The following STAT4 variants were observed in gnomAD, a reference collection of about 807,000 sequenced individuals.
STAT4 encodes the protein signal transducer and activator of transcription 4.
A neutral mutation model predicts 110.5 loss-of-function variants in STAT4; 42 were observed. The observed-to-expected ratio is 0.38, with a 90% confidence interval of 0.30 to 0.49. The LOEUF is 0.49. STAT4 is among the 20% of genes least tolerant of loss of function. The pLI, the probability that STAT4 is intolerant of heterozygous loss-of-function variation, is 0.95. For missense variants in STAT4, 632 were observed against 887.9 expected, an observed-to-expected ratio of 0.71 and a Z score of 3.66; for synonymous variants, 284 against 302.2, an observed-to-expected ratio of 0.94 and a Z score of 0.63.
rs1696795590 is a variant in STAT4 at position 191,059,627 on chromosome 2, C to G, written c.1035-858G>C. 6.6e-6 allele frequency among the ~76,000 whole-genome samples: 1 copy of G among 152,136 alleles called. No homozygotes were observed. Among genetic ancestry groups the G allele is most frequent in the Non-Finnish European group, 1.5e-5 (1 of 68,034 alleles). On this transcript the variant is annotated intron_variant, in intron 10 of 23. Coordinates refer to ENST00000392320, the MANE Select transcript of STAT4 (RefSeq NM_003151.4). The surrounding 1 kb of genome is among the most constrained non-coding windows in gnomAD (Gnocchi z 4.7). ...AGAAGGGAGAAACGTGGACGTGGCT[C>G]TACATAAAAGGAGGGAGTCCAGGCA...
chr2:191,030,764 T>G lies in STAT4; in HGVS notation c.2220+208A>C. 2.0e-6 allele frequency: 1 copy of G among 498,234 alleles called. No homozygotes were observed. The highest frequency in any genetic ancestry group is 3.6e-6 in the Non-Finnish European group (1 of 275,460). 30.9% of individuals were successfully genotyped at this position (498,234 alleles called of 1,614,324 possible). ...CTGGTGGAAACAACGTAAAGCAGTT[T>G]AAGTAACTGAAGGTGTCTGCTTTCA... is the stretch of plus-strand genomic sequence containing the variant. On this transcript the variant is annotated intron_variant, in intron 23 of 23. Coordinates refer to ENST00000392320, the MANE Select transcript of STAT4 (RefSeq NM_003151.4). This position sits in a 1 kb window ranked among gnomAD's most constrained non-coding sequence, Gnocchi z 4.4.
intron 4 of STAT4, among the ~76,000 whole-genome samples, chr2:191,075,833 CTTTCT>C (rs1180269543): frequency 0.014 from 1,843 of 130,006 alleles, 39 homozygotes; most frequent in African/African-American, 0.058. Context: ...TCCTTTCTTT[CTTTCT>C]TTTTTTTTTT....
Position 191,040,966 on chromosome 2 carries a change from A to G in STAT4, c.1335+99T>C, listed in dbSNP as rs1047675891. 4 of 669,024 alleles carry G rather than the reference A, an allele frequency of 6.0e-6. No individual in the cohort carries two copies. The African/African-American group carries it at 7.4e-5, about 12-fold the overall frequency. 41.4% of individuals were successfully genotyped at this position (669,024 alleles called of 1,614,324 possible). A position where few individuals can be genotyped will look rare whatever the true frequency, so the allele number is the denominator to read the frequency against. Reference sequence around the variant, plus strand: ...ATTAAAACAAAATAATGAATATGGAATGTACTAAAACCTAGAAAAGACTGA... The same window carrying G: ...ATTAAAACAAAATAATGAATATGGAGTGTACTAAAACCTAGAAAAGACTGA... On this transcript the variant is annotated intron_variant, in intron 15 of 23. Coordinates refer to ENST00000392320, the MANE Select transcript of STAT4 (RefSeq NM_003151.4).
rs931060345 is a variant in STAT4 at position 191,030,665 on chromosome 2, T to G, written c.2220+307A>C. 3 of 246,520 alleles carry G rather than the reference T, an allele frequency of 1.2e-5. No homozygotes were observed. The East Asian group carries it at 2.9e-4, about 24-fold the overall frequency. The allele number at this position is 246,520 out of a possible 1,614,324, so 15.3% of individuals were successfully genotyped here. A position where few individuals can be genotyped will look rare whatever the true frequency, so the allele number is the denominator to read the frequency against. On this transcript the variant is annotated intron_variant, in intron 23 of 23. Transcript: ENST00000392320. This position sits in a 1 kb window ranked among gnomAD's most constrained non-coding sequence, Gnocchi z 4.4. ...TGCTAAAGTAGAGAGTGGTGGGGAG[T>G]GAGGGGGCCCATGGTGCAAGCAGCG...
intron 14 of STAT4, among the ~76,000 whole-genome samples, chr2:191,045,957 G>T (rs1696338292): frequency 1.3e-5 from 2 of 152,144 alleles, no homozygotes; most frequent in South Asian, 4.1e-4. Context: ...TCTTTCTTTG[G>T]TTGCGCTTGA....
chr2:191,131,284 T>C (rs1699030057), intron 3 of STAT4, among the ~76,000 whole-genome samples: 1 of 151,790 alleles, frequency 6.6e-6, no homozygotes, highest in Admixed American at 6.6e-5. Context: ...AGTAACGTTG[T>C]TTGCAATAGC....
rs181047389 is a variant in STAT4 at position 191,073,654 on chromosome 2, C to T, written c.373-464G>A. ...GCATTGAGCTGAGATCGTGCCACTG[C>T]GCTCCAGCCTGGGCGACAGAGCGAG... On this transcript the variant is annotated intron_variant, in intron 4 of 23. Transcript: ENST00000392320. Among the ~76,000 whole-genome samples, 384 of 152,226 alleles carry T rather than the reference C, an allele frequency of 2.5e-3. 2 individuals are homozygous for T. Among genetic ancestry groups the T allele is most frequent in the African/African-American group, 8.7e-3 (360 of 41,546 alleles).
chr2:191,078,395 G>T (rs1433452089), intron 3 of STAT4, among the ~76,000 whole-genome samples: 1 of 151,914 alleles, frequency 6.6e-6, no homozygotes, highest in Non-Finnish European at 1.5e-5. Flanking sequence ...ACTTTGTATG[G>T]TTAAATTACT....
At chr2:191,040,541 C>T (rs1442549435) in intron 15 of STAT4, among the ~76,000 whole-genome samples, 1 of 151,848 alleles carries the variant, frequency 6.6e-6, no homozygotes, top group Non-Finnish European at 1.5e-5. Context: ...TACTCTTGAG[C>T]TTTTTATTTT....
rs1695965022 is a variant in STAT4, at chr2:191,033,799, A to G, written c.1715+112T>C. The stretch of plus-strand genomic sequence containing the variant: ...CCACAAAGAATAAGAAATTGCAACT[A>G]TTTTTTTCTGTGGTACTAAACATGC... On this transcript the variant is annotated intron_variant, in intron 19 of 23. Transcript: ENST00000392320. The surrounding 1 kb of genome is among the most constrained non-coding windows in gnomAD (Gnocchi z 6.9). The G allele has an allele frequency of 7.5e-7, 1 of 1,340,306 alleles. No individual in the cohort carries two copies. The highest frequency in any genetic ancestry group is 1.5e-5 in the African/African-American group (1 of 67,844). The allele number at this position is 1,340,306 out of a possible 1,614,324, so 83.0% of individuals were successfully genotyped here. A position where few individuals can be genotyped will look rare whatever the true frequency, so the allele number is the denominator to read the frequency against.
chr2:191,034,074 T>A, intron 18 of STAT4, 69 bp from the exon 19 acceptor site: 8 of 1,071,384 alleles, frequency 7.5e-6, no homozygotes, highest in Non-Finnish European at 1.1e-5. Flanking sequence ...ATAATTTAAG[T>A]TCAATTTTTC....
At chr2:191,044,758 A>G (rs1285612800) in intron 14 of STAT4, among the ~76,000 whole-genome samples, 2 of 152,210 alleles carry the variant, frequency 1.3e-5, no homozygotes, top group Non-Finnish European at 2.9e-5. Flanking sequence ...GTTGCCAAGA[A>G]AAAAGGAAGA....
Position 191,030,599 on chromosome 2 carries a change from T to C in STAT4, c.2220+373A>G, listed in dbSNP as rs1021425374. On this transcript the variant is annotated intron_variant, in intron 23 of 23. Coordinates refer to ENST00000392320, the MANE Select transcript of STAT4 (RefSeq NM_003151.4). The surrounding 1 kb of genome is among the most constrained non-coding windows in gnomAD (Gnocchi z 4.4). ...GATAGTAAGTAACTAGTAAACTAGA[T>C]AGTATACTAGGTTTATAAATATTGA... 6.6e-6 allele frequency among the ~76,000 whole-genome samples: 1 copy of C among 152,114 alleles called. No homozygotes were observed. Among genetic ancestry groups the C allele is most frequent in the Non-Finnish European group, 1.5e-5 (1 of 68,018 alleles).
intron 4 of STAT4, among the ~76,000 whole-genome samples, chr2:191,075,298 A>G (rs1370428389): frequency 6.6e-6 from 1 of 152,258 alleles, no homozygotes; most frequent in Non-Finnish European, 1.5e-5. Flanking sequence ...TGAAAAAAGT[A>G]TTCATTAAAG....
intron 3 of STAT4, among the ~76,000 whole-genome samples, chr2:191,122,787 T>C (rs1698774611): frequency 6.6e-6 from 1 of 152,198 alleles, no homozygotes; most frequent in Admixed American, 6.5e-5. Context: ...TTCACTCACA[T>C]GAAGTTCAAG....
rs984021321 is a variant in STAT4 at position 191,144,153 on chromosome 2, AAGG to A, written c.273+2457_273+2459del. Among the ~76,000 whole-genome samples the A allele has an allele frequency of 2.2e-4, 34 of 152,292 alleles. No homozygotes were observed. Among genetic ancestry groups the A allele is most frequent in the African/African-American group, 7.5e-4 (31 of 41,568 alleles). Reference sequence around the variant, plus strand: ...TGAGGGTGAGGGAGGGGGGTCAGAAAAGGAGATCAGCCTTTTACCCTCAAGGAC... The same window carrying A: ...TGAGGGTGAGGGAGGGGGGTCAGAAAAGATCAGCCTTTTACCCTCAAGGAC... On this transcript the variant is annotated intron_variant, in intron 3 of 23. Coordinates refer to ENST00000392320, the MANE Select transcript of STAT4 (RefSeq NM_003151.4). The surrounding 1 kb of genome is among the most constrained non-coding windows in gnomAD (Gnocchi z 4.7).
At chr2:191,119,933 G>C (rs978525234) in intron 3 of STAT4, among the ~76,000 whole-genome samples, 1 of 152,100 alleles carries the variant, frequency 6.6e-6, no homozygotes, top group Non-Finnish European at 1.5e-5. Flanking sequence ...AATGGCTCTG[G>C]GTCAATTAGA....
chr2:191,056,124 A>G (rs1396634253), intron 13 of STAT4, among the ~76,000 whole-genome samples: 2 of 152,246 alleles, frequency 1.3e-5, no homozygotes, highest in Admixed American at 1.3e-4. Context: ...TCTTTTAGAA[A>G]CATTTTATCT....
Position 191,061,565 on chromosome 2 carries a change from C to A in STAT4, c.1034+164G>T, listed in dbSNP as rs1478671065. 6.6e-6 allele frequency among the ~76,000 whole-genome samples: 1 copy of A among 152,228 alleles called. No homozygotes were observed. The highest frequency in any genetic ancestry group is 2.4e-5 in the African/African-American group (1 of 41,462). ...TGCTCTTGACAAGCAGGGCTCTCAT[C>A]TTCACATTTCTGTGGGTATTTCCCC... On this transcript the variant is annotated intron_variant, in intron 10 of 23. Coordinates refer to ENST00000392320, the MANE Select transcript of STAT4 (RefSeq NM_003151.4). The surrounding 1 kb of genome is among the most constrained non-coding windows in gnomAD (Gnocchi z 6.2).
Sources: allele counts gnomAD v4.1 joint callset (sites outside exome capture counted in the v4.1 genomes callset), GRCh38; gene constraint gnomAD v4.1.1; non-coding constraint Gnocchi (gnomAD v3.1); transcripts MANE v1.5; gene names NCBI Gene and HGNC (gene_info 2026-07-23, HGNC 2026-07-21).